The following SMYD2 variants were observed in gnomAD, a reference collection of about 807,000 sequenced individuals.
SMYD2 encodes SET and MYND domain containing 2, also known as N-lysine methyltransferase SMYD2.
In SMYD2, 53 loss-of-function variants were observed where a neutral mutation model predicts 59.1. That is an observed-to-expected ratio of 0.90 (90% CI 0.72 to 1.13). The LOEUF (loss-of-function observed/expected upper bound fraction) is 1.13. Among genes scored for constraint, SMYD2 ranks in the 50% most tolerant of loss-of-function variants. The pLI is 0.00. For missense variants in SMYD2, 494 were observed against 544.7 expected (o/e 0.91, Z 0.93); for synonymous variants, 208 against 198.8 (o/e 1.05, Z -0.39).
intron 1 of SMYD2, among the ~76,000 whole-genome samples, chr1:214,302,420 T>G (rs1324427154): frequency 6.6e-6 from 1 of 152,068 alleles, no homozygotes; most frequent in Non-Finnish European, 1.5e-5. Context: ...CAGGAACCTT[T>G]ACGCCTTACG....
Position 214,312,764 on chromosome 1 carries a change from C to T in SMYD2, c.238-1998C>T, listed in dbSNP as rs75066396. Among the ~76,000 whole-genome samples, 122 of 152,288 alleles carry T rather than the reference C, an allele frequency of 8.0e-4. No individual in the cohort carries two copies. Among genetic ancestry groups the T allele is most frequent in the African/African-American group, 2.8e-3 (117 of 41,576 alleles). On this transcript the variant is annotated intron_variant, in intron 2 of 11. Transcript: ENST00000366957. This position sits in a 1 kb window ranked among gnomAD's most constrained non-coding sequence, Gnocchi z 4.1. ...TGGGCTGGGGTGGTGCAGGGACGCT[C>T]CCATCACGTGTGGCCTCCTAGGTCA...
intron 2 of SMYD2, among the ~76,000 whole-genome samples, chr1:214,313,051 AACTG>A (rs1241488176): frequency 1.3e-5 from 2 of 152,210 alleles, no homozygotes; most frequent in African/African-American, 2.4e-5. Context: ...GATTTGCCAG[AACTG>A]ACTGAATGTG....
intron 1 of SMYD2, among the ~76,000 whole-genome samples, chr1:214,292,163 C>T (rs1450793607): frequency 3.3e-5 from 5 of 151,680 alleles, no homozygotes; most frequent in Non-Finnish European, 7.4e-5. Flanking sequence ...AATCTGAGGA[C>T]GCCCCTGATA....
At chr1:214,327,564 A>C (rs17022608) in intron 6 of SMYD2, 58 bp from the exon 7 acceptor site, 420,743 of 1,372,280 alleles carry the variant, frequency 0.31, 68,800 homozygotes, top group Non-Finnish European at 0.34. Flanking sequence ...GTAGTGAAGG[A>C]AGCTAAACAG....
At position 214,293,848 on chromosome 1, in the gene SMYD2, G is replaced by A. The variant is rs561402877; in HGVS notation, c.174-11339G>A. Among the ~76,000 whole-genome samples the A allele has an allele frequency of 7.9e-5, 12 of 152,122 alleles. No homozygotes were observed. In the South Asian group the frequency reaches 2.5e-3, roughly 32 times the overall value. On this transcript the variant is annotated intron_variant, in intron 1 of 11. Transcript: ENST00000366957. ...CCCGCCACCACGCCCAGTTAATTTT[G>A]TATTTTTACTAGTGACGGGGTTTCT...
rs917770207 is a variant in SMYD2, at chr1:214,305,191, G to A, written c.178G>A (p.Glu60Lys). The change falls in exon 2 of 12, where the codon GAA becomes AAA. Residue 60 changes from glutamate to lysine, a missense_variant. Coordinates refer to ENST00000366957, the MANE Select transcript of SMYD2 (RefSeq NM_020197.3). ...NHCEYCFTRK[E>K]GLSKCGRCKQ... ...AGTGCCCTTTCTGTTTTTAAGGAAA[G>A]AAGGATTGTCCAAATGTGGAAGATG... 35 of 1,614,068 alleles carry A rather than the reference G, an allele frequency of 2.2e-5. No homozygotes were observed. The highest frequency in any genetic ancestry group is 2.9e-5 in the Non-Finnish European group (34 of 1,180,004).
At chr1:214,288,615 C>T (rs1191710188) in intron 1 of SMYD2, among the ~76,000 whole-genome samples, 1 of 152,138 alleles carries the variant, frequency 6.6e-6, no homozygotes, top group Non-Finnish European at 1.5e-5. Flanking sequence ...CAAACGAATG[C>T]ATTGTTTAAA....
chr1:214,298,312 C>T (rs987914751), intron 1 of SMYD2, among the ~76,000 whole-genome samples: 4 of 152,220 alleles, frequency 2.6e-5, no homozygotes, highest in South Asian at 4.2e-4. Flanking sequence ...GAAAGGACTC[C>T]CTATTCAATA....
chr1:214,329,740 C>T (rs1657320160), intron 7 of SMYD2, among the ~76,000 whole-genome samples: 1 of 152,164 alleles, frequency 6.6e-6, no homozygotes, highest in Non-Finnish European at 1.5e-5. Flanking sequence ...GTGGTGTGTG[C>T]GTGCTCATGC....
intron 2 of SMYD2, among the ~76,000 whole-genome samples, chr1:214,307,996 C>T (rs372289661): frequency 2.0e-5 from 3 of 152,194 alleles, no homozygotes; most frequent in East Asian, 1.9e-4. Flanking sequence ...GAAACAGTTA[C>T]GGGATTCTAC....
chr1:214,308,023 G>T (rs754189475), intron 2 of SMYD2, among the ~76,000 whole-genome samples: 1 of 152,238 alleles, frequency 6.6e-6, no homozygotes, highest in Non-Finnish European at 1.5e-5. Flanking sequence ...AAGGCTGCAG[G>T]CCAAGAGAGC....
At chr1:214,285,305 A>G (rs1003412706) in intron 1 of SMYD2, among the ~76,000 whole-genome samples, 2 of 152,222 alleles carry the variant, frequency 1.3e-5, no homozygotes, top group Admixed American at 1.3e-4. Context: ...ATTAAGGGCC[A>G]TGAAATCCTG....
At chr1:214,324,465 C>T (rs1657229562) in intron 5 of SMYD2, among the ~76,000 whole-genome samples, 176 bp from the exon 6 acceptor site, 1 of 151,756 alleles carries the variant, frequency 6.6e-6, no homozygotes, top group Non-Finnish European at 1.5e-5. Context: ...TTTGTTTATG[C>T]ATGGAACTGA....
chr1:214,331,926 GAGT>G, intron 9 of SMYD2, 89 bp from the exon 10 acceptor site: 1 of 1,147,730 alleles, frequency 8.7e-7, no homozygotes, highest in South Asian at 1.6e-5. Context: ...GTAAGGGTGA[GAGT>G]GGAGTGGACG....
chr1:214,284,254 G>GTTTTTTTTTTTT (rs34049644), intron 1 of SMYD2, among the ~76,000 whole-genome samples: 4 of 90,364 alleles, frequency 4.4e-5, no homozygotes, highest in Non-Finnish European at 6.0e-5. Flanking sequence ...TTTTGGTGTG[G>GTTTTTTTTTTTT]TTTTTTTTTT....
In SMYD2 at chr1:214,318,941, C is replaced by A. The variant is rs770920046; in HGVS notation, c.492C>A (p.Leu164=). 1 of 1,613,988 alleles carries A rather than the reference C, an allele frequency of 6.2e-7. No homozygotes were observed. Among genetic ancestry groups the A allele is most frequent in the Non-Finnish European group, 8.5e-7 (1 of 1,179,990 alleles). Residue 164 remains leucine, a synonymous_variant, in exon 5 of 12, where the codon CTC becomes CTA. Transcript: ENST00000366957. The surrounding 1 kb of genome is among the most constrained non-coding windows in gnomAD (Gnocchi z 5.4). ...TCCATCACTTTTACTCCAAGCATCTCGGATTCCCTGACAATGATAGCCTCG... is the reference window on the plus strand; with the variant it reads ...TCCATCACTTTTACTCCAAGCATCTAGGATTCCCTGACAATGATAGCCTCG... ...AALHHFYSKH[L]GFPDNDSLVV...
intron 2 of SMYD2, among the ~76,000 whole-genome samples, chr1:214,311,242 A>G (rs2102466690): frequency 6.6e-6 from 1 of 152,328 alleles, no homozygotes; most frequent in East Asian, 1.9e-4. Context: ...GCAATTACCA[A>G]TGTTTCAGAG....
chr1:214,307,682 G>A (rs1466203548), intron 2 of SMYD2, among the ~76,000 whole-genome samples: 2 of 152,118 alleles, frequency 1.3e-5, no homozygotes, highest in Non-Finnish European at 2.9e-5. Flanking sequence ...GCAGTATTTT[G>A]ATGAATCGTC....
intron 2 of SMYD2, among the ~76,000 whole-genome samples, chr1:214,311,933 A>G (rs1029956313): frequency 2.0e-5 from 3 of 152,204 alleles, no homozygotes; most frequent in African/African-American, 7.2e-5. Flanking sequence ...CCCAGCTGGT[A>G]GGTCCCCATA....
Sources: allele counts gnomAD v4.1 joint callset (sites outside exome capture counted in the v4.1 genomes callset), GRCh38; gene constraint gnomAD v4.1.1; non-coding constraint Gnocchi (gnomAD v3.1); transcripts MANE v1.5; gene names NCBI Gene and HGNC (gene_info 2026-07-23, HGNC 2026-07-21).